IQCH: variants seen among roughly 807,000 people sequenced by gnomAD.
IQCH encodes IQ motif containing H.
A neutral mutation model predicts 117.0 loss-of-function variants in IQCH; 98 were observed. The observed-to-expected ratio is 0.84, with a 90% CI of 0.71 to 0.99. The LOEUF (loss-of-function observed/expected upper bound fraction) is 0.99. Ranked by LOEUF, IQCH falls within the 50% of genes least tolerant of loss-of-function variation. The pLI, the probability that IQCH is intolerant of heterozygous loss-of-function variation, is 0.00. For missense variants in IQCH, 1,102 were observed against 1,243.8 expected, an observed-to-expected ratio of 0.89 and a Z score of 1.72; for synonymous variants, 412 against 448.2, an observed-to-expected ratio of 0.92 and a Z score of 1.02.
chr15:67,498,402 G>C (rs1260521661), intron 20 of IQCH, among the ~76,000 whole-genome samples: 1 of 152,006 alleles, frequency 6.6e-6, no homozygotes, highest in Non-Finnish European at 1.5e-5. Context: ...GATCACCTGA[G>C]GTCAGGAGTT....
intron 10 of IQCH, among the ~76,000 whole-genome samples, chr15:67,374,939 C>T (rs1417254874): frequency 2.0e-5 from 3 of 152,068 alleles, no homozygotes; most frequent in African/African-American, 7.2e-5. Context: ...CTATACAGGG[C>T]CCCCCACTTT....
intron 4 of IQCH, among the ~76,000 whole-genome samples, chr15:67,280,658 G>A (rs1050174591): frequency 1.3e-5 from 2 of 152,012 alleles, no homozygotes; most frequent in Non-Finnish European, 2.9e-5. Flanking sequence ...ATTACATTGG[G>A]TTAGGATTTC....
rs936942777 is a variant in IQCH, at chr15:67,406,397, C to G, written c.2097+6092C>G. ...AAAAATTTAAAAATTAGGTGTGTGC[C>G]TGTAGTTCCAGCTACTTAGGAGCCT... On this transcript the variant is annotated intron_variant, in intron 14 of 20. Transcript: ENST00000335894. The surrounding 1 kb of genome is among the most constrained non-coding windows in gnomAD (Gnocchi z 4.5). The G allele has an allele frequency of 4.6e-5, 7 of 152,028 alleles. No homozygotes were observed. The highest frequency in any genetic ancestry group is 7.3e-5 in the African/African-American group (3 of 41,366). 9.4% of individuals were successfully genotyped at this position (152,028 alleles called of 1,614,324 possible).
In IQCH at chr15:67,395,632, C is replaced by T. The variant is rs1474332282; in HGVS notation, c.1905+69C>T. 1.3e-6 allele frequency: 2 copies of T among 1,501,228 alleles called. No individual in the cohort carries two copies. Among genetic ancestry groups the T allele is most frequent in the Non-Finnish European group, 1.8e-6 (2 of 1,097,430 alleles). 93.0% of individuals were successfully genotyped at this position (1,501,228 alleles called of 1,614,324 possible). A position where few individuals can be genotyped will look rare whatever the true frequency, so the allele number is the denominator to read the frequency against. ...CATCCTCTTGATCTTGGACAATTTC[C>T]AAGTCTTCTGGAGCCAGACCTACCC... is the stretch of plus-strand genomic sequence containing the variant. On this transcript the variant is annotated intron_variant, in intron 13 of 20. Coordinates refer to ENST00000335894, the MANE Select transcript of IQCH (RefSeq NM_001031715.3). This position sits in a 1 kb window ranked among gnomAD's most constrained non-coding sequence, Gnocchi z 4.0.
At position 67,407,883 on chromosome 15, in the gene IQCH, G is replaced by A. The variant is rs558882164; in HGVS notation, c.2097+7578G>A. 9.8e-5 allele frequency: 15 copies of A among 152,378 alleles called. No individual in the cohort carries two copies. Among genetic ancestry groups the A allele is most frequent in the Non-Finnish European group, 2.1e-4 (14 of 68,046 alleles). The allele number at this position is 152,378 out of a possible 1,614,324, so 9.4% of individuals were successfully genotyped here. The stretch of plus-strand genomic sequence containing the variant: ...AATTCATAGCATTATTGTGGTGAGA[G>A]TGTAGGAGTTGTAATTGTTGTGGTA... On this transcript the variant is annotated intron_variant, in intron 14 of 20. Transcript: ENST00000335894. This position sits in a 1 kb window ranked among gnomAD's most constrained non-coding sequence, Gnocchi z 5.3.
intron 4 of IQCH, among the ~76,000 whole-genome samples, chr15:67,310,781 A>G (rs1392948195): frequency 1.3e-5 from 2 of 152,206 alleles, no homozygotes; most frequent in East Asian, 1.9e-4. Flanking sequence ...ATAAAAGTCA[A>G]CAATGAAGCA....
chr15:67,345,093 G>A (rs1032791958), intron 6 of IQCH, among the ~76,000 whole-genome samples: 4 of 152,142 alleles, frequency 2.6e-5, no homozygotes, highest in African/African-American at 4.8e-5. Context: ...GGATTCAAGC[G>A]ATTCTCCTGC....
intron 10 of IQCH, among the ~76,000 whole-genome samples, chr15:67,380,027 T>C (rs1382600400): frequency 1.3e-5 from 2 of 152,154 alleles, no homozygotes; most frequent in Non-Finnish European, 2.9e-5. Flanking sequence ...TAATTTTGTA[T>C]TTTTAGTAGA....
At chr15:67,286,900 A>ACCACGCCCGGCCAT (rs1490304675) in intron 4 of IQCH, among the ~76,000 whole-genome samples, 3 of 152,224 alleles carry the variant, frequency 2.0e-5, no homozygotes, top group Non-Finnish European at 1.5e-5. Context: ...GGTGTGAGCC[A>ACCACGCCCGGCCAT]CCACGCCCGG....
chr15:67,255,280 G>A, intron 1 of IQCH: 1 of 358,962 alleles, frequency 2.8e-6, no homozygotes, highest in Admixed American at 4.0e-5. Context: ...TTGAACCCAT[G>A]ACGTCGGGAG....
In IQCH at chr15:67,500,395, G is replaced by T. The variant is rs1236123937; in HGVS notation, c.2971-238G>T. Among the ~76,000 whole-genome samples, 1 of 152,106 alleles carries T rather than the reference G, an allele frequency of 6.6e-6. No homozygotes were observed. Among genetic ancestry groups the T allele is most frequent in the East Asian group, 1.9e-4 (1 of 5,200 alleles). On this transcript the variant is annotated intron_variant, in intron 20 of 20. Transcript: ENST00000335894. This position sits in a 1 kb window ranked among gnomAD's most constrained non-coding sequence, Gnocchi z 4.4. Reference sequence around the variant, plus strand: ...AAGATGTACAATTTAGAAGCCCAATGTTATTATTAGACATAATAGGCATAA... The same window carrying T: ...AAGATGTACAATTTAGAAGCCCAATTTTATTATTAGACATAATAGGCATAA...
intron 3 of IQCH, among the ~76,000 whole-genome samples, chr15:67,269,537 G>A (rs1026490299): frequency 6.6e-6 from 1 of 152,112 alleles, no homozygotes; most frequent in African/African-American, 2.4e-5. Context: ...CAGTAGAGTA[G>A]TGTTAACTAT....
At chr15:67,348,379 A>ACG (rs1196860842) in intron 6 of IQCH, among the ~76,000 whole-genome samples, 3 of 151,522 alleles carry the variant, frequency 2.0e-5, no homozygotes, top group Admixed American at 6.6e-5. Context: ...ACACACACAC[A>ACG]CGCACACACA....
intron 5 of IQCH, among the ~76,000 whole-genome samples, chr15:67,343,479 G>A (rs1008257002): frequency 6.6e-6 from 1 of 152,182 alleles, no homozygotes; most frequent in East Asian, 1.9e-4. Flanking sequence ...TGCTAACACA[G>A]TATGAATGCT....
chr15:67,325,072 T>C (rs1968344052), intron 4 of IQCH, among the ~76,000 whole-genome samples: 1 of 152,176 alleles, frequency 6.6e-6, no homozygotes, highest in African/African-American at 2.4e-5. Flanking sequence ...CATGACTTTG[T>C]CCTACAGGTC....
chr15:67,357,817 T>C (rs16950870), intron 7 of IQCH, among the ~76,000 whole-genome samples: 10,965 of 151,956 alleles, frequency 0.072, 542 homozygotes, highest in East Asian at 0.19. Context: ...AAACATAGAA[T>C]ACCTTAATGA....
At position 67,255,217 on chromosome 15, in the gene IQCH, A is replaced by G; in HGVS notation, c.51+270A>G. ...CGTTCACCCGGAACCTTTACTTCAG[A>G]AAAATTAACCTCACGCTGAGGCATC... is the stretch of plus-strand genomic sequence containing the variant. On this transcript the variant is annotated intron_variant, in intron 1 of 20. Transcript: ENST00000335894. 7 of 532,600 alleles carry G rather than the reference A, an allele frequency of 1.3e-5. No individual in the cohort carries two copies. In the South Asian group the frequency reaches 1.8e-4, roughly 14 times the overall value. The allele number at this position is 532,600 out of a possible 1,614,324, so 33.0% of individuals were successfully genotyped here. A position where few individuals can be genotyped will look rare whatever the true frequency, so the allele number is the denominator to read the frequency against.
At chr15:67,477,744 A>G (rs1200690982) in intron 18 of IQCH, among the ~76,000 whole-genome samples, 1 of 152,230 alleles carries the variant, frequency 6.6e-6, no homozygotes, top group Non-Finnish European at 1.5e-5. Flanking sequence ...ATTCTAAAAT[A>G]TCAAAGTAGA....
intron 16 of IQCH, among the ~76,000 whole-genome samples, chr15:67,451,244 GT>G (rs1428291236): frequency 6.6e-6 from 1 of 152,120 alleles, no homozygotes; most frequent in African/African-American, 2.4e-5. Flanking sequence ...TCTGCTCTTA[GT>G]TATTTCTTGC....
Sources: allele counts gnomAD v4.1 joint callset (sites outside exome capture counted in the v4.1 genomes callset), GRCh38; gene constraint gnomAD v4.1.1; non-coding constraint Gnocchi (gnomAD v3.1); transcripts MANE v1.5; gene names NCBI Gene and HGNC (gene_info 2026-07-23, HGNC 2026-07-21).